Variants in FAT1 observed in about 807,000 individuals in gnomAD.
FAT1 encodes FAT atypical cadherin 1.
Under a neutral mutation model 329.8 loss-of-function variants are expected in FAT1, and 171 were observed. The observed-to-expected ratio is 0.52, with a 90% CI of 0.46 to 0.59. The LOEUF is 0.59. Among genes scored for constraint, FAT1 ranks in the 20% least tolerant of loss-of-function variants. The pLI, the probability that FAT1 is intolerant of heterozygous loss-of-function variation, is 0.00. For missense variants in FAT1, 5,672 were observed against 5,774.4 expected (o/e 0.98, Z 0.57); for synonymous variants, 2,233 against 2,228.6 (o/e 1.00, Z -0.06).
chr4:186,697,116 C>T (rs1437475830), intron 2 of FAT1, among the ~76,000 whole-genome samples: 1 of 152,032 alleles, frequency 6.6e-6, no homozygotes, highest in Non-Finnish European at 1.5e-5. Context: ...TGACAGATTG[C>T]CTTAATAAGT....
intron 7 of FAT1, among the ~76,000 whole-genome samples, chr4:186,632,586 A>T (rs887293158): frequency 1.3e-5 from 2 of 152,206 alleles, no homozygotes; most frequent in Non-Finnish European, 2.9e-5. Flanking sequence ...AGACAATCTC[A>T]AAATGACCCC....
intron 9 of FAT1, among the ~76,000 whole-genome samples, chr4:186,625,302 T>G: frequency 6.6e-6 from 1 of 152,344 alleles, no homozygotes; most frequent in South Asian, 2.1e-4. Context: ...GGAAAAAAAC[T>G]TCATCTTTAC....
At chr4:186,633,587 C>T (rs2126555479) in intron 7 of FAT1, 97 bp downstream of exon 7, 1 of 1,336,060 alleles carries the variant, frequency 7.5e-7, no homozygotes. Flanking sequence ...TAGACCCTCA[C>T]AGGGCAGAAT....
chr4:186,588,919 G>C lies in FAT1; in HGVS notation c.13440C>G (p.Asn4480Lys), dbSNP rs1349760091. Residue 4480 changes from asparagine to lysine, a missense_variant, in exon 27 of 27, where the codon AAC becomes AAG. Physicochemically the swap from Asn to Lys is moderately conservative, Grantham distance 94. Around this residue, in one of 2 missense-constraint regions of FAT1, gnomAD observed 1,706 missense variants for 1,859.1 expected, o/e 0.92. Coordinates refer to ENST00000441802, the MANE Select transcript of FAT1 (RefSeq NM_005245.4). Reference protein sequence around the residue: ...AAGSLGSSSRNRQRFNLNQYL... With the variant: ...AAGSLGSSSRKRQRFNLNQYL... ...ACTGATTCAAGTTGAACCTCTGCCGGTTTCTTGATGAAGAACCCAAGCTAC... is the reference window on the plus strand; with the variant it reads ...ACTGATTCAAGTTGAACCTCTGCCGCTTTCTTGATGAAGAACCCAAGCTAC... 3 of 1,613,848 alleles carry C rather than the reference G, an allele frequency of 1.9e-6. No homozygotes were observed. Among genetic ancestry groups the C allele is most frequent in the Non-Finnish European group, 2.5e-6 (3 of 1,179,888 alleles).
At position 186,706,648 on chromosome 4, in the gene FAT1, A is replaced by T. The variant is rs751846487; in HGVS notation, c.3180T>A (p.Asp1060Glu). 11 of 1,613,986 alleles carry T rather than the reference A, an allele frequency of 6.8e-6. No homozygotes were observed. The highest frequency in any genetic ancestry group is 8.5e-6 in the Non-Finnish European group (10 of 1,179,880). ...TCTCCCCATCTCTTCTGGCGTCCTC[A>T]TCATGAGCCGACACCGTCATTACCA... is the stretch of plus-strand genomic sequence containing the variant. ...GSLVMTVSAH[D>E]EDARRDGEIR... is the part of the protein sequence containing the mutation. The change falls in exon 2 of 27, where the codon GAT (aspartate) becomes GAA (glutamate). Residue 1060 changes from aspartate (D) to glutamate (E), a missense_variant. This residue lies in a region of FAT1 where 3,966 missense variants were observed against 3,915.2 expected (regional missense o/e 1.01). Transcript: ENST00000441802.
chr4:186,627,371 A>AGAAT (rs1399584987), intron 9 of FAT1, among the ~76,000 whole-genome samples: 3 of 152,194 alleles, frequency 2.0e-5, no homozygotes, highest in Admixed American at 1.3e-4. Flanking sequence ...ATCAGCCCAC[A>AGAAT]GAATGAATGA....
Position 186,684,390 on chromosome 4 carries a change from A to G in FAT1, c.3266-20777T>C, listed in dbSNP as rs867941756. ...GATGCTTTAGAAGGGCCAGGACAGTATCTGCGAGGGGCTGAAGGTACTCTT... is the reference window on the plus strand; with the variant it reads ...GATGCTTTAGAAGGGCCAGGACAGTGTCTGCGAGGGGCTGAAGGTACTCTT... On this transcript the variant is annotated intron_variant, in intron 2 of 26. Coordinates refer to ENST00000441802, the MANE Select transcript of FAT1 (RefSeq NM_005245.4). Among the ~76,000 whole-genome samples the G allele has an allele frequency of 1.1e-3, 162 of 152,308 alleles. 2 individuals are homozygous for G. The highest frequency in any genetic ancestry group is 2.5e-3 in the African/African-American group (105 of 41,560).
intron 2 of FAT1, among the ~76,000 whole-genome samples, chr4:186,687,056 G>A (rs2126653146): frequency 6.6e-6 from 1 of 152,264 alleles, no homozygotes; most frequent in South Asian, 2.1e-4. Context: ...GCATACAAGA[G>A]ACGCTTTTTA....
At chr4:186,726,333 C>T (rs1245547857), upstream of FAT1, 8 of 152,276 alleles carry the variant, frequency 5.3e-5, no homozygotes, top group Non-Finnish European at 1.2e-4. Flanking sequence ...AAGGCATGCA[C>T]GATTTGAACA....
Position 186,707,449 on chromosome 4 carries a change from G to A in FAT1, c.2379C>T (p.Thr793=), listed in dbSNP as rs751941180. 2.9e-5 allele frequency: 47 copies of A among 1,613,836 alleles called. No individual in the cohort carries two copies. Among genetic ancestry groups the A allele is most frequent in the Non-Finnish European group, 3.4e-5 (40 of 1,179,882 alleles). Residue 793 remains threonine (T), a synonymous_variant, in exon 2 of 27, where the codon ACC becomes ACT. Coordinates refer to ENST00000441802, the MANE Select transcript of FAT1 (RefSeq NM_005245.4). ...ETTDKYTLNI[T]VYDLGIPQKA... ...TCTGGGGTATCCCAAGGTCATAGAC[G>A]GTAATATTCAGGGTGTATTTGTCTG...
intron 2 of FAT1, among the ~76,000 whole-genome samples, chr4:186,676,834 A>G (rs1742979292): frequency 6.6e-6 from 1 of 152,226 alleles, no homozygotes. Flanking sequence ...AGGCACCTGT[A>G]AACAGATTAT....
chr4:186,648,764 C>G, intron 3 of FAT1, among the ~76,000 whole-genome samples: 1 of 152,106 alleles, frequency 6.6e-6, no homozygotes, highest in Admixed American at 6.5e-5. Flanking sequence ...TGCCAACCCC[C>G]CTTCTTCCCG....
In FAT1 at chr4:186,707,287, T is replaced by G. The variant is rs2126687268; in HGVS notation, c.2541A>C (p.Thr847=). 6.2e-7 allele frequency: 1 copy of G among 1,614,012 alleles called. No homozygotes were observed. The highest frequency in any genetic ancestry group is 8.5e-7 in the Non-Finnish European group (1 of 1,179,884). The change falls in exon 2 of 27, where the codon ACA becomes ACC. Residue 847 remains threonine, a synonymous_variant. Transcript: ENST00000441802. ...GTCCGTTGGGCCCCAGGTCTTTATC[T>G]GTGGCTTCAACCTGGATGATTTCAC... is the stretch of plus-strand genomic sequence containing the variant. ...VHSEIIQVEA[T]DKDLGPNGHV...
chr4:186,603,680 C>G lies in FAT1; in HGVS notation c.10846G>C (p.Val3616Leu), dbSNP rs771664786. ...ACCGTCGTGAACTTCCCATCTGTTACGCTGACATTGAGAAGGTATTGCCCT... is the reference window on the plus strand; with the variant it reads ...ACCGTCGTGAACTTCCCATCTGTTAGGCTGACATTGAGAAGGTATTGCCCT... ...DIGQYLLNVS[V>L]TDGKFTTVAD... The change falls in exon 19 of 27, where the codon GTA becomes CTA. Residue 3616 changes from valine (V) to leucine (L), a missense_variant. By Grantham distance (32) the Val-to-Leu change is conservative (BLOSUM62 1). Around this residue, in one of 2 missense-constraint regions of FAT1, gnomAD observed 1,706 missense variants for 1,859.1 expected, o/e 0.92. Transcript: ENST00000441802. 3.7e-6 allele frequency: 6 copies of G among 1,613,874 alleles called. No homozygotes were observed. The Admixed American group carries it at 6.7e-5, about 18-fold the overall frequency.
chr4:186,633,304 G>A (rs1037233776), intron 7 of FAT1, among the ~76,000 whole-genome samples: 1 of 152,114 alleles, frequency 6.6e-6, no homozygotes, highest in South Asian at 2.1e-4. Flanking sequence ...AAAAAAAAGT[G>A]ATTTAGAAGA....
At chr4:186,704,733 TA>T (rs759921915) in intron 2 of FAT1, among the ~76,000 whole-genome samples, 2 of 152,154 alleles carry the variant, frequency 1.3e-5, no homozygotes, top group African/African-American at 2.4e-5. Context: ...GATAAAATGA[TA>T]AAAAAGACAT....
rs1346353699 is a variant in FAT1 at position 186,613,279 on chromosome 4, C to G, written c.9293G>C (p.Arg3098Thr). Reference protein sequence around the residue: ...EEQAVYHLLVRATDGGGRFCQ... With the variant: ...EEQAVYHLLVTATDGGGRFCQ... The stretch of plus-strand genomic sequence containing the variant: ...GAATCTTCCTCCTCCATCTGTGGCC[C>G]TGACGAGAAGATGATAAACAGCTTG... The change falls in exon 13 of 27, where the codon AGG becomes ACG. Residue 3098 changes from arginine (R) to threonine (T), a missense_variant. Physicochemically the swap from Arg to Thr is moderately conservative, Grantham distance 71. Transcript: ENST00000441802. 2.5e-6 allele frequency: 4 copies of G among 1,614,024 alleles called. No individual in the cohort carries two copies. The Admixed American group carries it at 5.0e-5, about 20-fold the overall frequency.
rs375298469 is a variant in FAT1 at position 186,611,766 on chromosome 4, C to A, written c.9473G>T (p.Arg3158Leu). ...QATDADAGLN[R>L]KILYSLIDSA... ...GTCAATCAGTGAGTATAAAATCTTC[C>A]GATTTAATCCTATGAAGACATAAAA... Residue 3158 changes from arginine to leucine, a missense_variant, in exon 14 of 27, where the codon CGG becomes CTG. Physicochemically the swap from Arg to Leu is moderately radical, Grantham distance 102. Transcript: ENST00000441802. The A allele has an allele frequency of 6.4e-7, 1 of 1,562,478 alleles. No homozygotes were observed. The highest frequency in any genetic ancestry group is 8.7e-7 in the Non-Finnish European group (1 of 1,153,604).
intron 2 of FAT1, among the ~76,000 whole-genome samples, chr4:186,671,023 A>G (rs971474763): frequency 2.0e-5 from 3 of 152,140 alleles, no homozygotes; most frequent in Admixed American, 1.3e-4. Flanking sequence ...GAGTTATGTG[A>G]GCATTCTACT....
Sources: gnomAD v4.1 joint callset for allele counts (sites outside exome capture counted in the v4.1 genomes callset) on GRCh38, gnomAD v4.1.1 for gene constraint, gnomAD v4.1.1 regional missense constraint, MANE v1.5 for transcripts, NCBI Gene and HGNC (gene_info 2026-07-23, HGNC 2026-07-21) for gene names.